Variants in MIPOL1 observed in about 807,000 individuals in gnomAD.
MIPOL1 encodes the protein mirror-image polydactyly 1.
In MIPOL1, 57 loss-of-function variants were observed where a neutral mutation model predicts 60.9. The ratio of observed to expected loss-of-function variants is 0.94; its 90% CI spans 0.76 to 1.17. The LOEUF is 1.17. Ranked by LOEUF, MIPOL1 falls within the 50% of genes most tolerant of loss-of-function variation. The probability of loss-of-function intolerance (pLI) is 0.00; values close to 1 mark genes in which losing one functional copy is unlikely to be tolerated. For synonymous variants in MIPOL1, 179 were observed against 168.8 expected (o/e 1.06, Z -0.47); for missense variants, 551 against 511.6 (o/e 1.08, Z -0.74).
At chr14:37,369,069 AAT>A (rs1265909580) in intron 9 of MIPOL1, among the ~76,000 whole-genome samples, 2 of 151,982 alleles carry the variant, frequency 1.3e-5, no homozygotes, top group African/African-American at 4.8e-5. Context: ...AAAATCTAGA[AAT>A]ATTTCTGAAC....
At chr14:37,542,189 A>T (rs183228420) in intron 12 of MIPOL1, among the ~76,000 whole-genome samples, 1 of 152,342 alleles carries the variant, frequency 6.6e-6, no homozygotes, top group African/African-American at 2.4e-5. Flanking sequence ...AACTCTGATG[A>T]TCACTCACTT....
intron 7 of MIPOL1, among the ~76,000 whole-genome samples, chr14:37,306,992 G>A (rs1369378216): frequency 3.3e-5 from 5 of 151,684 alleles, no homozygotes; most frequent in African/African-American, 7.3e-5. Context: ...TTTAATATAT[G>A]TGTATATATT....
At chr14:37,220,584 A>G (rs144044574) in intron 1 of MIPOL1, among the ~76,000 whole-genome samples, 1,835 of 152,258 alleles carry the variant, frequency 0.012, 79 homozygotes, top group Admixed American at 0.083. Context: ...AGATTATTCT[A>G]ATTCATTTGG....
rs899581047 is a variant in MIPOL1, at chr14:37,549,400, T to C, written c.*2429T>C. 2 of 151,664 alleles carry C rather than the reference T, an allele frequency of 1.3e-5. No individual in the cohort carries two copies. The highest frequency in any genetic ancestry group is 2.4e-5 in the African/African-American group (1 of 41,360). The allele number at this position is 151,664 out of a possible 1,614,324, so 9.4% of individuals were successfully genotyped here. A position where few individuals can be genotyped will look rare whatever the true frequency, so the allele number is the denominator to read the frequency against. On this transcript the variant is annotated 3_prime_UTR_variant, in exon 13 of 13. Coordinates refer to ENST00000684589, the MANE Select transcript of MIPOL1 (RefSeq NM_001388067.1). Reference sequence around the variant, plus strand: ...ACAATCATAATAATAATAAATTATATATATAACCCATATAATAACGATGGT... The same window carrying C: ...ACAATCATAATAATAATAAATTATACATATAACCCATATAATAACGATGGT...
intron 12 of MIPOL1, among the ~76,000 whole-genome samples, chr14:37,536,381 T>G (rs978367197): frequency 2.0e-5 from 3 of 152,172 alleles, no homozygotes; most frequent in Admixed American, 2.0e-4. Context: ...AAAATACATC[T>G]ATTTTGATAT....
At chr14:37,396,461 A>AT (rs1447407103) in intron 10 of MIPOL1, among the ~76,000 whole-genome samples, 1 of 151,880 alleles carries the variant, frequency 6.6e-6, no homozygotes, top group African/African-American at 2.4e-5. Context: ...CTAGGTGATG[A>AT]TTTTTTGTGA....
rs75597684 is a variant in MIPOL1, at chr14:37,425,240, G to A, written c.1031+2291G>A. 4.7e-3 allele frequency among the ~76,000 whole-genome samples: 711 copies of A among 152,288 alleles called. 4 individuals are homozygous for A. The highest frequency in any genetic ancestry group is 0.015 in the African/African-American group (631 of 41,580). ...CAGAGAATTCCAAGAGGTATATGAT[G>A]ATGTTGCATGAACTGACATTACTTC... is the stretch of plus-strand genomic sequence containing the variant. On this transcript the variant is annotated intron_variant, in intron 11 of 12. Coordinates refer to ENST00000684589, the MANE Select transcript of MIPOL1 (RefSeq NM_001388067.1).
intron 7 of MIPOL1, 81 bp downstream of exon 7, chr14:37,285,528 A>T: frequency 7.1e-7 from 1 of 1,399,560 alleles, no homozygotes; most frequent in Non-Finnish European, 9.8e-7. Context: ...CATATTTAAA[A>T]ATGTGACTTA....
chr14:37,447,451 A>T (rs2094354869), intron 11 of MIPOL1, among the ~76,000 whole-genome samples: 1 of 152,116 alleles, frequency 6.6e-6, no homozygotes, highest in Admixed American at 6.6e-5. Flanking sequence ...GCAAACTTTT[A>T]TGTTTTATCT....
At chr14:37,472,571 T>G (rs1260702733) in intron 11 of MIPOL1, among the ~76,000 whole-genome samples, 1 of 152,192 alleles carries the variant, frequency 6.6e-6, no homozygotes. Context: ...ATATGATAGC[T>G]TATTTTTAAC....
At chr14:37,531,724 A>G (rs1243582947) in intron 12 of MIPOL1, among the ~76,000 whole-genome samples, 1 of 152,206 alleles carries the variant, frequency 6.6e-6, no homozygotes, top group East Asian at 1.9e-4. Flanking sequence ...GGATTTTGTC[A>G]GGAGACAGGT....
intron 11 of MIPOL1, among the ~76,000 whole-genome samples, chr14:37,426,256 T>G (rs567971890): frequency 6.6e-6 from 1 of 151,716 alleles, no homozygotes; most frequent in Non-Finnish European, 1.5e-5. Context: ...ATTTGTAAAT[T>G]TGAGGCCACA....
intron 12 of MIPOL1, among the ~76,000 whole-genome samples, chr14:37,541,488 A>T (rs2095529472): frequency 1.3e-5 from 2 of 152,176 alleles, no homozygotes; most frequent in South Asian, 4.1e-4. Context: ...AAAAAATTAT[A>T]CCACAATGAT....
chr14:37,421,456 A>G (rs113291693), intron 10 of MIPOL1, among the ~76,000 whole-genome samples: 52 of 152,216 alleles, frequency 3.4e-4, no homozygotes, highest in African/African-American at 1.2e-3. Context: ...TGTGTCTTCT[A>G]AGTTACCATT....
At chr14:37,434,913 C>T (rs892444687) in intron 11 of MIPOL1, among the ~76,000 whole-genome samples, 5 of 150,732 alleles carry the variant, frequency 3.3e-5, no homozygotes, top group African/African-American at 4.9e-5. Flanking sequence ...GATCAAATAT[C>T]TCATTACCGT....
intron 11 of MIPOL1, among the ~76,000 whole-genome samples, chr14:37,438,588 A>G (rs2094197724): frequency 1.3e-5 from 2 of 152,198 alleles, no homozygotes; most frequent in South Asian, 4.1e-4. Context: ...CAAAACTGGT[A>G]CTTCAGCATT....
intron 11 of MIPOL1, among the ~76,000 whole-genome samples, chr14:37,424,632 T>C (rs1335393947): frequency 6.6e-6 from 1 of 152,228 alleles, no homozygotes; most frequent in African/African-American, 2.4e-5. Context: ...TGGAAACTAA[T>C]GCAGTTATCA....
chr14:37,219,812 C>T (rs544614906), intron 1 of MIPOL1: 4 of 151,048 alleles, frequency 2.6e-5, no homozygotes, highest in Non-Finnish European at 4.5e-5. Context: ...CAGTTTTTAC[C>T]TCAGGTACTT....
intron 6 of MIPOL1, among the ~76,000 whole-genome samples, chr14:37,271,538 A>T (rs1192344306): frequency 6.6e-6 from 1 of 151,954 alleles, no homozygotes; most frequent in Admixed American, 6.6e-5. Context: ...GACCATAAAT[A>T]AATACACCAG....
Sources: gnomAD v4.1 joint callset for allele counts (sites outside exome capture counted in the v4.1 genomes callset) on GRCh38, gnomAD v4.1.1 for gene constraint, MANE v1.5 for transcripts, NCBI Gene and HGNC (gene_info 2026-07-23, HGNC 2026-07-21) for gene names.